Variants in FOCAD observed in about 807,000 individuals in gnomAD.
FOCAD encodes KIAA1797.
A neutral mutation model predicts 225.6 loss-of-function variants in FOCAD; 198 were observed. The observed-to-expected ratio is 0.88, with a 90% confidence interval of 0.78 to 0.99. The LOEUF (loss-of-function observed/expected upper bound fraction) is 0.99. Ranked by LOEUF, FOCAD falls within the 50% of genes least tolerant of loss-of-function variation. The pLI is 0.00. For synonymous variants in FOCAD, 897 were observed against 755.0 expected (o/e 1.19, Z -3.08); for missense variants, 2,713 against 2,123.6 (o/e 1.28, Z -5.46).
At chr9:20,740,367 A>T (rs199798723) in intron 5 of FOCAD, 27 bp downstream of exon 5, 26 of 1,090,614 alleles carry the variant, frequency 2.4e-5, no homozygotes, top group South Asian at 3.0e-5. Context: ...TTTTTTTTTT[A>T]AACAAATATG....
intron 2 of FOCAD, among the ~76,000 whole-genome samples, chr9:20,662,307 A>C (rs547561470): frequency 6.6e-6 from 1 of 152,202 alleles, no homozygotes; most frequent in East Asian, 1.9e-4. Flanking sequence ...AGCTGTGGAG[A>C]ACGTAGTCTG....
chr9:20,849,110 C>A (rs1827401340), intron 15 of FOCAD, among the ~76,000 whole-genome samples: 1 of 151,800 alleles, frequency 6.6e-6, no homozygotes, highest in African/African-American at 2.4e-5. Flanking sequence ...TTATTAATGG[C>A]CAAGCCAATA....
rs186131803 is a variant in FOCAD at position 20,786,961 on chromosome 9, G to A, written c.1198-2390G>A. 354 of 474,692 alleles carry A rather than the reference G, an allele frequency of 7.5e-4. 3 individuals carry two copies. Among genetic ancestry groups the A allele is most frequent in the Middle Eastern group, 7.2e-3 (11 of 1,526 alleles). 29.4% of individuals were successfully genotyped at this position (474,692 alleles called of 1,614,324 possible). On this transcript the variant is annotated intron_variant, in intron 10 of 43. Transcript: ENST00000338382. Reference sequence around the variant, plus strand: ...TCACAGGTCCTCCCTCAGGCTATGGGGCCAGGATTTGGTAGCTGGTGCTGA... The same window carrying A: ...TCACAGGTCCTCCCTCAGGCTATGGAGCCAGGATTTGGTAGCTGGTGCTGA...
intron 15 of FOCAD, among the ~76,000 whole-genome samples, chr9:20,858,256 C>T (rs1430771687): frequency 6.6e-6 from 1 of 152,050 alleles, no homozygotes; most frequent in African/African-American, 2.4e-5. Context: ...GTTATGGCTG[C>T]AATCTCACTA....
At chr9:20,871,991 A>G (rs2131771451) in intron 18 of FOCAD, among the ~76,000 whole-genome samples, 1 of 152,144 alleles carries the variant, frequency 6.6e-6, no homozygotes, top group South Asian at 2.1e-4. Context: ...AATGTAATAA[A>G]TAATAAGTGC....
At chr9:20,730,034 C>T (rs1017320120) in intron 4 of FOCAD, among the ~76,000 whole-genome samples, 28 of 152,190 alleles carry the variant, frequency 1.8e-4, no homozygotes, top group Middle Eastern at 3.4e-3. Flanking sequence ...GAAAACTAGC[C>T]TTTCTTGAAT....
At chr9:20,819,733 T>C in intron 11 of FOCAD, 63 bp from the exon 12 acceptor site, 1 of 805,806 alleles carries the variant, frequency 1.2e-6, no homozygotes. Flanking sequence ...GAGATAAATA[T>C]TCCATTATAT....
chr9:20,789,957 A>G (rs1018206542), intron 11 of FOCAD, among the ~76,000 whole-genome samples: 2 of 152,150 alleles, frequency 1.3e-5, no homozygotes, highest in African/African-American at 2.4e-5. Context: ...TCTAATGTTG[A>G]TCATTTAAAG....
At chr9:20,771,097 C>T (rs1393455505) in intron 8 of FOCAD, among the ~76,000 whole-genome samples, 1 of 152,068 alleles carries the variant, frequency 6.6e-6, no homozygotes, top group African/African-American at 2.4e-5. Context: ...ATGGAATGTG[C>T]CTGGTACAAG....
upstream of FOCAD, among the ~76,000 whole-genome samples, chr9:20,682,271 G>A (rs1003295173): frequency 6.6e-6 from 1 of 152,146 alleles, no homozygotes. Flanking sequence ...ATAATAAGAC[G>A]GTGTCAAAAG....
At chr9:20,759,443 G>C (rs1003962765) in intron 6 of FOCAD, among the ~76,000 whole-genome samples, 1 of 152,136 alleles carries the variant, frequency 6.6e-6, no homozygotes, top group Non-Finnish European at 1.5e-5. Flanking sequence ...ACAAACCTGA[G>C]AAAAACAAGC....
intron 11 of FOCAD, among the ~76,000 whole-genome samples, chr9:20,797,621 T>C (rs1821272149): frequency 1.3e-5 from 2 of 152,116 alleles, no homozygotes; most frequent in South Asian, 4.1e-4. Flanking sequence ...CTCTGTTTGT[T>C]ATTGATGTAT....
intron 15 of FOCAD, 137 bp downstream of exon 15, chr9:20,823,252 G>T: frequency 1.1e-6 from 1 of 949,942 alleles, no homozygotes; most frequent in Non-Finnish European, 1.5e-6. Flanking sequence ...TTGGAAAAGT[G>T]AAGCAAGACC....
At chr9:20,802,876 G>C (rs1010055622) in intron 11 of FOCAD, among the ~76,000 whole-genome samples, 2 of 152,128 alleles carry the variant, frequency 1.3e-5, no homozygotes, top group Admixed American at 1.3e-4. Flanking sequence ...CGAATTATCT[G>C]TTCATTAACA....
intron 26 of FOCAD, among the ~76,000 whole-genome samples, chr9:20,926,956 T>A (rs185705832): frequency 6.6e-6 from 1 of 150,606 alleles, no homozygotes; most frequent in Non-Finnish European, 1.5e-5. Flanking sequence ...GAAATATGTG[T>A]GTAAATATTA....
intron 1 of FOCAD, among the ~76,000 whole-genome samples, chr9:20,687,792 G>T (rs897978798): frequency 6.6e-6 from 1 of 152,140 alleles, no homozygotes; most frequent in Non-Finnish European, 1.5e-5. Flanking sequence ...GTATTGCATG[G>T]ACTTCATAAA....
intron 5 of FOCAD, among the ~76,000 whole-genome samples, chr9:20,756,410 G>GA (rs199592087): frequency 4.2e-4 from 63 of 150,730 alleles, no homozygotes; most frequent in African/African-American, 1.0e-3. Flanking sequence ...TTTTAAAAGA[G>GA]AAAAAAAAAT....
chr9:20,965,726 G>A (rs187178598), intron 35 of FOCAD, among the ~76,000 whole-genome samples: 1 of 152,024 alleles, frequency 6.6e-6, no homozygotes, highest in East Asian at 1.9e-4. Flanking sequence ...CCAATAATTT[G>A]CTTTCTGTCT....
At chr9:20,820,481 A>G in intron 13 of FOCAD, 56 bp downstream of exon 13, 9 of 1,433,024 alleles carry the variant, frequency 6.3e-6, no homozygotes, top group Admixed American at 1.7e-5. Flanking sequence ...CACTGAAGGA[A>G]AATAATTATG....
Sources: allele counts gnomAD v4.1 joint callset (sites outside exome capture counted in the v4.1 genomes callset), GRCh38; gene constraint gnomAD v4.1.1; transcripts MANE v1.5; gene names NCBI Gene and HGNC (gene_info 2026-07-23, HGNC 2026-07-21).